HNF4G: variants seen among roughly 807,000 people sequenced by gnomAD.
The protein encoded by HNF4G is hepatocyte nuclear factor 4 gamma.
In HNF4G, 21 loss-of-function variants were observed where a neutral mutation model predicts 50.9. The observed-to-expected ratio is 0.41, with a 90% CI of 0.29 to 0.59. The LOEUF is 0.59. HNF4G is among the 20% of genes least tolerant of loss of function. The pLI, the probability that HNF4G is intolerant of heterozygous loss-of-function variation, is 0.26. For synonymous variants in HNF4G, 198 were observed against 185.6 expected (o/e 1.07, Z -0.54); for missense variants, 527 against 559.4 (o/e 0.94, Z 0.58).
At chr8:75,513,622 A>C (rs1432198242) in intron 2 of HNF4G, among the ~76,000 whole-genome samples, 3 of 151,970 alleles carry the variant, frequency 2.0e-5, no homozygotes, top group Non-Finnish European at 4.4e-5. Context: ...TAATTGACAC[A>C]TTTTTACTAT....
chr8:75,547,294 A>T (rs1806808823), intron 2 of HNF4G, among the ~76,000 whole-genome samples: 1 of 152,248 alleles, frequency 6.6e-6, no homozygotes, highest in African/African-American at 2.4e-5. Context: ...AATGCCAAAG[A>T]TATTCAAAAC....
chr8:75,510,003 C>A (rs1227735372), intron 2 of HNF4G, among the ~76,000 whole-genome samples: 1 of 151,974 alleles, frequency 6.6e-6, no homozygotes, highest in Non-Finnish European at 1.5e-5. Flanking sequence ...AGGAGGTATT[C>A]CAGAGAAAGG....
intron 1 of HNF4G, among the ~76,000 whole-genome samples, chr8:75,484,624 T>C (rs1812455080): frequency 6.6e-6 from 1 of 152,222 alleles, no homozygotes; most frequent in Non-Finnish European, 1.5e-5. Context: ...CTTCATGGTA[T>C]ATATTATGAT....
At chr8:75,452,273 T>C (rs749800679) in intron 1 of HNF4G, among the ~76,000 whole-genome samples, 1 of 152,162 alleles carries the variant, frequency 6.6e-6, no homozygotes, top group Non-Finnish European at 1.5e-5. Flanking sequence ...GTGGTTACAG[T>C]AGTAATATTT....
chr8:75,508,220 CCTCTACT>C (rs1204251197), intron 2 of HNF4G, among the ~76,000 whole-genome samples: 1 of 152,050 alleles, frequency 6.6e-6, no homozygotes, highest in African/African-American at 2.4e-5. Flanking sequence ...GAGCTCCTTT[CCTCTACT>C]CTCTGGCTCC....
intron 2 of HNF4G, chr8:75,527,215 CT>C: frequency 1.1e-5 from 1 of 87,688 alleles, no homozygotes; most frequent in Middle Eastern, 4.6e-3. Context: ...TATGATGTGC[CT>C]TATAGAGAAA....
At chr8:75,468,281 G>A (rs1053729181) in intron 1 of HNF4G, among the ~76,000 whole-genome samples, 3 of 151,930 alleles carry the variant, frequency 2.0e-5, no homozygotes, top group East Asian at 3.9e-4. Flanking sequence ...GTCCTTCTTT[G>A]GTCCTTGTCT....
Position 75,547,575 on chromosome 8 carries a change from T to C in HNF4G, c.288-12T>C. ...ATAGTTTTCTGCAAACTGATATATC[T>C]TTATGTTATAGGTTCAGTCGGCAAT... On this transcript the variant is annotated splice_polypyrimidine_tract_variant and intron_variant, in intron 2 of 9. Transcript: ENST00000396423. The C allele has an allele frequency of 6.4e-7, 1 of 1,560,524 alleles. No individual in the cohort carries two copies.
At chr8:75,507,491 C>T (rs1399890857) in intron 2 of HNF4G, among the ~76,000 whole-genome samples, 1 of 152,152 alleles carries the variant, frequency 6.6e-6, no homozygotes, top group East Asian at 1.9e-4. Flanking sequence ...GAACTCTTGA[C>T]CTCGTGATCC....
intron 1 of HNF4G, among the ~76,000 whole-genome samples, chr8:75,452,887 G>C (rs565517427): frequency 1.3e-5 from 2 of 152,286 alleles, no homozygotes; most frequent in East Asian, 1.9e-4. Context: ...ACTTGAATGA[G>C]AGATTATTGA....
chr8:75,563,119 C>T (rs1009967103), intron 9 of HNF4G, among the ~76,000 whole-genome samples: 1 of 152,084 alleles, frequency 6.6e-6, no homozygotes, highest in African/African-American at 2.4e-5. Context: ...TACAAAGCCT[C>T]AGCCTGATCA....
At chr8:75,457,419 G>A (rs1811748584) in intron 1 of HNF4G, among the ~76,000 whole-genome samples, 1 of 152,110 alleles carries the variant, frequency 6.6e-6, no homozygotes, top group African/African-American at 2.4e-5. Flanking sequence ...TACACCTTAT[G>A]CCTATTCCTC....
At chr8:75,491,586 C>T (rs539336675) in intron 2 of HNF4G, among the ~76,000 whole-genome samples, 7 of 151,998 alleles carry the variant, frequency 4.6e-5, no homozygotes, top group South Asian at 2.1e-4. Context: ...AAGCAATTCT[C>T]GTGCCTCAGC....
intron 1 of HNF4G, among the ~76,000 whole-genome samples, chr8:75,452,840 G>A (rs1444857372): frequency 2.0e-5 from 3 of 152,162 alleles, no homozygotes; most frequent in Non-Finnish European, 4.4e-5. Flanking sequence ...ATCAAAATAT[G>A]AACACTTTTA....
chr8:75,560,874 G>A (rs1272464338), intron 9 of HNF4G, among the ~76,000 whole-genome samples: 1 of 152,070 alleles, frequency 6.6e-6, no homozygotes, highest in Admixed American at 6.6e-5. Context: ...TAATGTTTAT[G>A]GAGACTAAAG....
intron 1 of HNF4G, among the ~76,000 whole-genome samples, chr8:75,428,462 T>C (rs186009897): frequency 6.6e-6 from 1 of 152,320 alleles, no homozygotes; most frequent in East Asian, 1.9e-4. Flanking sequence ...TAGACATTAA[T>C]TCAATAACTG....
chr8:75,558,885 G>A lies in HNF4G; in HGVS notation c.971G>A (p.Arg324Gln). ...QIGLEDYIND[R>Q]QYDSRGRFGE... ...GGTTTGGAGGACTACATCAATGATC[G>A]GCAGTATGACTCCCGGGGGAGGTTT... The change falls in exon 8 of 10, where the codon CGG (arginine) becomes CAG (glutamine). Residue 324 changes from arginine (R) to glutamine (Q), a missense_variant. Physicochemically the swap from Arg to Gln is conservative, Grantham distance 43. This residue lies in a region of HNF4G where 308 missense variants were observed against 301.5 expected (regional missense o/e 1.02). Coordinates refer to ENST00000396423, the MANE Select transcript of HNF4G (RefSeq NM_004133.5). 6.2e-7 allele frequency: 1 copy of A among 1,613,888 alleles called. No individual in the cohort carries two copies.
rs769204253 is a variant in HNF4G, at chr8:75,547,552, A to G, written c.288-35A>G. ...TTTATTTGCTTCTTTTGTAAATTAT[A>G]GTTTTCTGCAAACTGATATATCTTT... On this transcript the variant is annotated intron_variant, in intron 2 of 9. Coordinates refer to ENST00000396423, the MANE Select transcript of HNF4G (RefSeq NM_004133.5). 3.7e-6 allele frequency: 5 copies of G among 1,360,560 alleles called. No homozygotes were observed. The South Asian group carries it at 6.0e-5, about 16-fold the overall frequency. The allele number at this position is 1,360,560 out of a possible 1,614,324, so 84.3% of individuals were successfully genotyped here.
chr8:75,529,582 G>T (rs1272898942), intron 2 of HNF4G, among the ~76,000 whole-genome samples: 2 of 152,102 alleles, frequency 1.3e-5, no homozygotes, highest in Admixed American at 1.3e-4. Context: ...GATGAGTGAT[G>T]CTTTTTTAAT....
Sources: gnomAD v4.1 joint callset for allele counts (sites outside exome capture counted in the v4.1 genomes callset) on GRCh38, gnomAD v4.1.1 for gene constraint, gnomAD v4.1.1 regional missense constraint, MANE v1.5 for transcripts, NCBI Gene and HGNC (gene_info 2026-07-23, HGNC 2026-07-21) for gene names.